CLPB: variants seen among roughly 807,000 people sequenced by gnomAD.
CLPB encodes the protein ClpB family mitochondrial disaggregase.
Under a neutral mutation model 78.4 loss-of-function variants are expected in CLPB, and 40 were observed. The ratio of observed to expected loss-of-function variants is 0.51; its 90% CI spans 0.40 to 0.66. The LOEUF (loss-of-function observed/expected upper bound fraction) is 0.66. Among genes scored for constraint, CLPB ranks in the 30% least tolerant of loss-of-function variants. The pLI is 0.00. For synonymous variants in CLPB, 333 were observed against 348.0 expected, an observed-to-expected ratio of 0.96 and a Z score of 0.48; for missense variants, 780 against 886.9, an observed-to-expected ratio of 0.88 and a Z score of 1.53.
chr11:72,431,019 T>C (rs933727047), intron 1 of CLPB, among the ~76,000 whole-genome samples: 3 of 152,072 alleles, frequency 2.0e-5, no homozygotes, highest in African/African-American at 7.2e-5. Context: ...GGAGATGAAA[T>C]GACAGTTGAG....
Position 72,434,066 on chromosome 11 carries a change from A to C in CLPB, c.403+6T>G, listed in dbSNP as rs944669671. ...TCCCTTCCTCAAACCCAGATCTCAT[A>C]ATCACCCTTGTTGGACGGACTCTTG... On this transcript the variant is annotated splice_donor_region_variant and intron_variant, in intron 1 of 15. Coordinates refer to ENST00000538039, the MANE Select transcript of CLPB (RefSeq NM_001258392.3). 6.2e-7 allele frequency: 1 copy of C among 1,608,720 alleles called. No individual in the cohort carries two copies. The highest frequency in any genetic ancestry group is 8.5e-7 in the Non-Finnish European group (1 of 1,179,660).
intron 3 of CLPB, among the ~76,000 whole-genome samples, chr11:72,386,115 G>A (rs1197803455): frequency 6.6e-6 from 1 of 152,170 alleles, no homozygotes; most frequent in Non-Finnish European, 1.5e-5. Flanking sequence ...AGTAACTGCT[G>A]TGCCTTCCTT....
Position 72,295,552 on chromosome 11 carries a change from C to A in CLPB, c.1426G>T (p.Ala476Ser). 1 of 1,614,204 alleles carries A rather than the reference C, an allele frequency of 6.2e-7. No homozygotes were observed. Among genetic ancestry groups the A allele is most frequent in the Non-Finnish European group, 8.5e-7 (1 of 1,180,038 alleles). Residue 476 changes from alanine (A) to serine (S), a missense_variant, in exon 12 of 16, where the codon GCG (alanine) becomes TCG (serine). Coordinates refer to ENST00000538039, the MANE Select transcript of CLPB (RefSeq NM_001258392.3). ...NVASDEIAQH[A>S]LQLRQEALEM... ...AAAGCTTCCTGCCTCAGCTGCAGCG[C>A]GTGCTGTGCGATCTCGTCGCTGGCC...
intron 9 of CLPB, among the ~76,000 whole-genome samples, chr11:72,306,727 C>G (rs1005469985): frequency 6.6e-6 from 1 of 152,200 alleles, no homozygotes; most frequent in Non-Finnish European, 1.5e-5. Flanking sequence ...CTTATTCCCA[C>G]TTGTTTTCTC....
chr11:72,351,425 C>T (rs370736212), intron 5 of CLPB: 11 of 152,256 alleles, frequency 7.2e-5, no homozygotes, highest in East Asian at 3.9e-4. Flanking sequence ...TGGTGCCAGA[C>T]GGTGAACTTT....
chr11:72,429,966 C>T (rs1000492637), intron 2 of CLPB, among the ~76,000 whole-genome samples: 3 of 152,228 alleles, frequency 2.0e-5, no homozygotes, highest in African/African-American at 7.2e-5. Context: ...CCTGTCCAGG[C>T]AGCAAGCAGT....
At chr11:72,297,410 G>A (rs1223887830) in intron 11 of CLPB, among the ~76,000 whole-genome samples, 2 of 152,222 alleles carry the variant, frequency 1.3e-5, no homozygotes, top group African/African-American at 4.8e-5. Context: ...CCTTGGCAGA[G>A]GCCTTTGAGA....
At chr11:72,418,408 A>T (rs1298459090) in intron 2 of CLPB, among the ~76,000 whole-genome samples, 1 of 152,248 alleles carries the variant, frequency 6.6e-6, no homozygotes, top group African/African-American at 2.4e-5. Flanking sequence ...AGGCAGGTCA[A>T]TTATCATCCC....
chr11:72,389,063 A>G (rs1310613431), intron 3 of CLPB, among the ~76,000 whole-genome samples: 1 of 152,234 alleles, frequency 6.6e-6, no homozygotes, highest in African/African-American at 2.4e-5. Context: ...AAACCAAGTG[A>G]GTAGCCAGAA....
intron 3 of CLPB, among the ~76,000 whole-genome samples, chr11:72,384,787 A>G (rs369172961): frequency 1.3e-4 from 20 of 152,342 alleles, no homozygotes; most frequent in South Asian, 1.0e-3. Context: ...CCAAACTGTA[A>G]AAAGAGACAA....
At chr11:72,403,091 G>A (rs1855611573) in intron 2 of CLPB, 39 bp from the exon 3 acceptor site, 7 of 1,565,726 alleles carry the variant, frequency 4.5e-6, no homozygotes, top group Non-Finnish European at 6.2e-6. Context: ...TGTATGGCTT[G>A]ACATCTGCAC....
At chr11:72,423,664 ATG>A (rs1286729389) in intron 2 of CLPB, among the ~76,000 whole-genome samples, 1 of 152,216 alleles carries the variant, frequency 6.6e-6, no homozygotes, top group Non-Finnish European at 1.5e-5. Flanking sequence ...TCATGTCACA[ATG>A]TGTACCTGTT....
At position 72,288,396 on chromosome 11, in the gene CLPB, C is replaced by G. The variant is rs1323537722; in HGVS notation, c.*4971G>C. The stretch of plus-strand genomic sequence containing the variant: ...GTCCCAGCTACTGAGGAGGCTGAGG[C>G]ATGAGACCTGCTTGAACTGGAGGTG... On this transcript the variant is annotated 3_prime_UTR_variant, in exon 16 of 16. Transcript: ENST00000538039. The G allele has an allele frequency of 6.6e-6, 1 of 152,120 alleles. No individual in the cohort carries two copies. The highest frequency in any genetic ancestry group is 1.9e-4 in the East Asian group (1 of 5,180). 9.4% of individuals were successfully genotyped at this position (152,120 alleles called of 1,614,324 possible).
In CLPB at chr11:72,293,322, G is replaced by A. The variant is rs1355236974; in HGVS notation, c.*45C>T. On this transcript the variant is annotated 3_prime_UTR_variant, in exon 16 of 16. Coordinates refer to ENST00000538039, the MANE Select transcript of CLPB (RefSeq NM_001258392.3). Reference sequence around the variant, plus strand: ...TCAGTTGCCATGCCACAGCCAAGGGGCCTTTATTGGATGGTGAGGGCACAT... The same window carrying A: ...TCAGTTGCCATGCCACAGCCAAGGGACCTTTATTGGATGGTGAGGGCACAT... 12 of 1,596,588 alleles carry A rather than the reference G, an allele frequency of 7.5e-6. No homozygotes were observed. In the Admixed American group the frequency reaches 1.9e-4, roughly 25 times the overall value.
chr11:72,314,241 C>T (rs571891668), intron 7 of CLPB, among the ~76,000 whole-genome samples: 6 of 152,264 alleles, frequency 3.9e-5, no homozygotes, highest in African/African-American at 1.4e-4. Flanking sequence ...AGAGGGTCAA[C>T]CGGGACTAGG....
At position 72,418,681 on chromosome 11, in the gene CLPB, C is replaced by G. The variant is rs145915076; in HGVS notation, c.455+11631G>C. Among the ~76,000 whole-genome samples the G allele has an allele frequency of 4.4e-3, 673 of 152,090 alleles. 7 individuals carry two copies. The highest frequency in any genetic ancestry group is 0.015 in the African/African-American group (640 of 41,512). ...ACCAGCCTGGCCAACATGGCGAAACCCTGTCTCTACTAAAAATACAAAAAT... is the reference window on the plus strand; with the variant it reads ...ACCAGCCTGGCCAACATGGCGAAACGCTGTCTCTACTAAAAATACAAAAAT... On this transcript the variant is annotated intron_variant, in intron 2 of 15. Transcript: ENST00000538039.
At chr11:72,316,552 G>C (rs1949946133) in intron 7 of CLPB, among the ~76,000 whole-genome samples, 1 of 152,228 alleles carries the variant, frequency 6.6e-6, no homozygotes, top group Non-Finnish European at 1.5e-5. Flanking sequence ...AGGGCAGTCT[G>C]GCTCCCAGGG....
intron 5 of CLPB, among the ~76,000 whole-genome samples, chr11:72,333,787 C>T (rs1313977660): frequency 1.3e-5 from 2 of 152,180 alleles, no homozygotes; most frequent in Non-Finnish European, 2.9e-5. Context: ...TTCTCTGGCG[C>T]TCAGCACTGA....
chr11:72,302,464 T>G (rs576967241), intron 9 of CLPB, 116 bp from the exon 10 acceptor site: 660 of 853,602 alleles, frequency 7.7e-4, no homozygotes, highest in Non-Finnish European at 1.2e-3. Flanking sequence ...CAACATAAGA[T>G]CTTCTATCTC....
Sources: allele counts gnomAD v4.1 joint callset (sites outside exome capture counted in the v4.1 genomes callset), GRCh38; gene constraint gnomAD v4.1.1; transcripts MANE v1.5; gene names NCBI Gene and HGNC (gene_info 2026-07-23, HGNC 2026-07-21).